Variants in MANSC4 observed in about 807,000 individuals in gnomAD.
The protein encoded by MANSC4 is MANSC domain containing 4.
MANSC4 carries 11 observed loss-of-function variants against 11.4 expected under a neutral mutation model. The ratio of observed to expected loss-of-function variants is 0.97; its 90% CI spans 0.61 to 1.60. The LOEUF (loss-of-function observed/expected upper bound fraction) is 1.60. Among genes scored for constraint, MANSC4 ranks in the 40% most tolerant of loss-of-function variants. The pLI is 0.00. For missense variants in MANSC4, 354 were observed against 404.6 expected, an observed-to-expected ratio of 0.88 and a Z score of 1.07; for synonymous variants, 123 against 147.1, an observed-to-expected ratio of 0.84 and a Z score of 1.19.
rs545543700 is a variant in MANSC4 at position 27,764,074 on chromosome 12, G to GA, written c.365-679dup. ...TCAAGTTAAGCAAAATAGGGCCTGAGAAGAGTGACTATAAGCAAAATCATG... is the reference window on the plus strand; with the variant it reads ...TCAAGTTAAGCAAAATAGGGCCTGAGAAAGAGTGACTATAAGCAAAATCATG... On this transcript the variant is annotated intron_variant, in intron 3 of 3. Transcript: ENST00000381273. Among the ~76,000 whole-genome samples, 16 of 152,272 alleles carry GA rather than the reference G, an allele frequency of 1.1e-4. No homozygotes were observed. In the East Asian group the frequency reaches 2.3e-3, roughly 22 times the overall value.
At chr12:27,778,886 C>A (rs376861051) in intron 1 of MANSC4, among the ~76,000 whole-genome samples, 9 of 152,078 alleles carry the variant, frequency 5.9e-5, no homozygotes, top group Non-Finnish European at 1.3e-4. Context: ...CTCTCTTTTC[C>A]GAGACGGCGT....
At position 27,762,891 on chromosome 12, in the gene MANSC4, G is replaced by A; in HGVS notation, c.870C>T (p.Ala290=). Residue 290 remains alanine (A), a synonymous_variant, in exon 4 of 4, where the codon GCC becomes GCT. Transcript: ENST00000381273. ...CGAGAAAGATGACAGAGGTGCAAAGGGCCACAGAAACCAGCCAAGTCTTTG... is the reference window on the plus strand; with the variant it reads ...CGAGAAAGATGACAGAGGTGCAAAGAGCCACAGAAACCAGCCAAGTCTTTG... The part of the protein sequence containing the change: ...VTSKTWLVSV[A]LCTSVIFLGC... The A allele has an allele frequency of 6.4e-7, 1 of 1,552,074 alleles. No homozygotes were observed. Among genetic ancestry groups the A allele is most frequent in the Non-Finnish European group, 8.7e-7 (1 of 1,147,106 alleles).
chr12:27,774,162 A>G (rs545615188), intron 1 of MANSC4, among the ~76,000 whole-genome samples: 3 of 151,888 alleles, frequency 2.0e-5, no homozygotes, highest in African/African-American at 4.8e-5. Flanking sequence ...AAACCAAAAA[A>G]CAAAACAAAA....
intron 3 of MANSC4, among the ~76,000 whole-genome samples, chr12:27,764,964 A>G (rs1435803450): frequency 6.6e-6 from 1 of 152,144 alleles, no homozygotes; most frequent in Non-Finnish European, 1.5e-5. Context: ...CAGCCTCATG[A>G]GTACCTGGGA....
In MANSC4 at chr12:27,776,380, AT is replaced by A. The variant is rs372912490; in HGVS notation, c.-307+3829del. 3.1e-3 allele frequency among the ~76,000 whole-genome samples: 464 copies of A among 151,832 alleles called. 3 individuals carry two copies. The highest frequency in any genetic ancestry group is 0.011 in the African/African-American group (446 of 41,382). Reference sequence around the variant, plus strand: ...ACTGTGATAAACATCTTGTACTAAGATTTTTTTTTCTACTTGCTATTTCAAA... The same window carrying A: ...ACTGTGATAAACATCTTGTACTAAGATTTTTTTTCTACTTGCTATTTCAAA... On this transcript the variant is annotated intron_variant, in intron 1 of 3. Coordinates refer to ENST00000381273, the MANE Select transcript of MANSC4 (RefSeq NM_001146221.5).
intron 1 of MANSC4, among the ~76,000 whole-genome samples, chr12:27,777,804 C>T (rs974525838): frequency 2.0e-5 from 3 of 151,836 alleles, no homozygotes; most frequent in African/African-American, 7.3e-5. Context: ...GAAAATAGGC[C>T]AGGCACAGTA....
chr12:27,763,527 C>A lies in MANSC4; in HGVS notation c.365-131G>T. ...ACGAAGCTAAATTCACGTTCTACTA[C>A]CACATACTTCTCAAAGGCTTCCAAA... is the stretch of plus-strand genomic sequence containing the variant. On this transcript the variant is annotated intron_variant, in intron 3 of 3. Coordinates refer to ENST00000381273, the MANE Select transcript of MANSC4 (RefSeq NM_001146221.5). 4.1e-6 allele frequency: 3 copies of A among 740,602 alleles called. No homozygotes were observed. In the South Asian group the frequency reaches 5.9e-5, roughly 14 times the overall value. 45.9% of individuals were successfully genotyped at this position (740,602 alleles called of 1,614,324 possible).
rs142793863 is a variant in MANSC4, at chr12:27,762,674, G to A, written c.*64C>T. ...CCTATTTTTTTTTTTTAACCAAACTGCGTTTTCTTACACAAAACTAAAAAT... is the reference window on the plus strand; with the variant it reads ...CCTATTTTTTTTTTTTAACCAAACTACGTTTTCTTACACAAAACTAAAAAT... On this transcript the variant is annotated 3_prime_UTR_variant, in exon 4 of 4. Transcript: ENST00000381273. 634 of 1,364,676 alleles carry A rather than the reference G, an allele frequency of 4.6e-4. 1 individual carries two copies. In the African/African-American group the frequency reaches 8.1e-3, roughly 18 times the overall value. The allele number at this position is 1,364,676 out of a possible 1,614,324, so 84.5% of individuals were successfully genotyped here. A position where few individuals can be genotyped will look rare whatever the true frequency, so the allele number is the denominator to read the frequency against.
rs1296373767 is a variant in MANSC4, at chr12:27,762,976, G to A, written c.785C>T (p.Thr262Ile). 1 of 1,551,786 alleles carries A rather than the reference G, an allele frequency of 6.4e-7. No homozygotes were observed. The highest frequency in any genetic ancestry group is 8.7e-7 in the Non-Finnish European group (1 of 1,147,040). The change falls in exon 4 of 4, where the codon ACC (threonine) becomes ATC (isoleucine). Residue 262 changes from threonine to isoleucine, a missense_variant. Physicochemically the swap from Thr to Ile is moderately conservative, Grantham distance 89. Transcript: ENST00000381273. Reference sequence around the variant, plus strand: ...GTGGTTTCTGCTATTGTATCCTTTGGTTTTGTTTAGTAATTGTTTGCTACT... The same window carrying A: ...GTGGTTTCTGCTATTGTATCCTTTGATTTTGTTTAGTAATTGTTTGCTACT... ...LNSSKQLLNK[T>I]KGYNSRNHTS... is the part of the protein sequence containing the mutation.
intron 3 of MANSC4, among the ~76,000 whole-genome samples, chr12:27,764,666 G>A (rs1231728067): frequency 6.6e-6 from 1 of 152,082 alleles, no homozygotes; most frequent in Non-Finnish European, 1.5e-5. Flanking sequence ...ACCCATATCA[G>A]TATGTTTTCC....
chr12:27,777,421 G>A (rs145159299), intron 1 of MANSC4, among the ~76,000 whole-genome samples: 1 of 152,234 alleles, frequency 6.6e-6, no homozygotes, highest in African/African-American at 2.4e-5. Flanking sequence ...TTGATACAGG[G>A]GACGCATCCC....
intron 1 of MANSC4, among the ~76,000 whole-genome samples, chr12:27,778,949 A>G (rs1031197200): frequency 2.6e-5 from 4 of 151,922 alleles, no homozygotes; most frequent in African/African-American, 9.7e-5. Context: ...GCTCACTGCA[A>G]CCTCCGCCTC....
In MANSC4 at chr12:27,771,310, C is replaced by CTG. The variant is rs1565478006; in HGVS notation, c.-36_-35dup. On this transcript the variant is annotated 5_prime_UTR_variant, in exon 2 of 4. Coordinates refer to ENST00000381273, the MANE Select transcript of MANSC4 (RefSeq NM_001146221.5). ...TATGAAGGAAGACTCGAAGATAAGT[C>CTG]TGATTTCCAGACAGAAGCTGAACAC... is the stretch of plus-strand genomic sequence containing the variant. 1 of 1,528,972 alleles carries CTG rather than the reference C, an allele frequency of 6.5e-7. No individual in the cohort carries two copies. The highest frequency in any genetic ancestry group is 2.4e-5 in the East Asian group (1 of 40,818). The allele number at this position is 1,528,972 out of a possible 1,614,324, so 94.7% of individuals were successfully genotyped here.
At chr12:27,779,273 A>G (rs2062133045) in intron 1 of MANSC4, among the ~76,000 whole-genome samples, 1 of 152,176 alleles carries the variant, frequency 6.6e-6, no homozygotes, top group Admixed American at 6.5e-5. Flanking sequence ...TTATGAGCCA[A>G]TTTTGTCAGA....
Position 27,780,104 on chromosome 12 carries a change from T to G in MANSC4, c.-307+106A>C, listed in dbSNP as rs1157748911. On this transcript the variant is annotated intron_variant, in intron 1 of 3. Coordinates refer to ENST00000381273, the MANE Select transcript of MANSC4 (RefSeq NM_001146221.5). The surrounding 1 kb of genome is among the most constrained non-coding windows in gnomAD (Gnocchi z 8.8). Reference sequence around the variant, plus strand: ...ACGCCCGCCGCGCTCCGCCGGCCCTTTTTTGGCGCTGAGGGAAAGGAGAAG... The same window carrying G: ...ACGCCCGCCGCGCTCCGCCGGCCCTGTTTTGGCGCTGAGGGAAAGGAGAAG... 2.8e-5 allele frequency: 5 copies of G among 175,722 alleles called. No individual in the cohort carries two copies. Among genetic ancestry groups the G allele is most frequent in the Non-Finnish European group, 5.9e-5 (5 of 85,304 alleles). 10.9% of individuals were successfully genotyped at this position (175,722 alleles called of 1,614,324 possible).
At chr12:27,770,327 C>T (rs1470668072) in intron 2 of MANSC4, among the ~76,000 whole-genome samples, 2 of 152,092 alleles carry the variant, frequency 1.3e-5, no homozygotes, top group East Asian at 3.9e-4. Flanking sequence ...ATTACAGGCG[C>T]CTGCCACCAC....
At chr12:27,770,045 T>C (rs963196257) in intron 2 of MANSC4, among the ~76,000 whole-genome samples, 2 of 152,252 alleles carry the variant, frequency 1.3e-5, no homozygotes, top group African/African-American at 2.4e-5. Context: ...TTTGGAAATA[T>C]GATTTTGGGG....
rs964442084 is a variant in MANSC4, at chr12:27,763,173, G to A, written c.588C>T (p.Thr196=). Reference sequence around the variant, plus strand: ...AAGTAAATCTTGCCCAAAAATCTGTGGTTAATTCCTTAGAATAACTGGTAC... The same window carrying A: ...AAGTAAATCTTGCCCAAAAATCTGTAGTTAATTCCTTAGAATAACTGGTAC... ...TNSTSYSKEL[T]TDFWARFTSL... Residue 196 remains threonine, a synonymous_variant, in exon 4 of 4, where the codon ACC becomes ACT. Transcript: ENST00000381273. The A allele has an allele frequency of 8.4e-6, 13 of 1,551,532 alleles. No homozygotes were observed. The highest frequency in any genetic ancestry group is 1.1e-5 in the Non-Finnish European group (13 of 1,147,004).
chr12:27,778,741 T>C (rs1420432467), intron 1 of MANSC4, among the ~76,000 whole-genome samples: 1 of 152,116 alleles, frequency 6.6e-6, no homozygotes, highest in East Asian at 1.9e-4. Flanking sequence ...CCAAAGATAA[T>C]CCAAACAATA....
Sources: gnomAD v4.1 joint callset for allele counts (sites outside exome capture counted in the v4.1 genomes callset) on GRCh38, gnomAD v4.1.1 for gene constraint, Gnocchi (gnomAD v3.1) non-coding constraint, MANE v1.5 for transcripts, NCBI Gene and HGNC (gene_info 2026-07-23, HGNC 2026-07-21) for gene names.